PDE4D: variants seen among roughly 807,000 people sequenced by gnomAD.
The protein encoded by PDE4D is 3',5'-cyclic-AMP phosphodiesterase 4D.
In PDE4D, 24 loss-of-function variants were observed where a neutral mutation model predicts 87.4. The observed-to-expected ratio is 0.27, with a 90% CI of 0.20 to 0.39. PDE4D has a LOEUF of 0.39. Among genes scored for constraint, PDE4D ranks in the 10% least tolerant of loss-of-function variants. The probability of loss-of-function intolerance (pLI) is 1.00; values close to 1 mark genes in which losing one functional copy is unlikely to be tolerated. For synonymous variants in PDE4D, 384 were observed against 383.2 expected, an observed-to-expected ratio of 1.00 and a Z score of -0.02; for missense variants, 714 against 1,041.0, an observed-to-expected ratio of 0.69 and a Z score of 4.32.
chr5:59,262,444 T>TC (rs1762173737), intron 1 of PDE4D, among the ~76,000 whole-genome samples: 1 of 151,952 alleles, frequency 6.6e-6, no homozygotes, highest in South Asian at 2.1e-4. Context: ...TTTCCTTCTT[T>TC]TTTTTTAAGC....
chr5:60,373,963 G>A (rs1761235247), intron 1 of PDE4D, among the ~76,000 whole-genome samples: 1 of 152,056 alleles, frequency 6.6e-6, no homozygotes, highest in African/African-American at 2.4e-5. Flanking sequence ...ATAATCCAGG[G>A]TAATCTCCCC....
chr5:59,996,377 C>T (rs1433757940), intron 2 of PDE4D, among the ~76,000 whole-genome samples: 1 of 152,086 alleles, frequency 6.6e-6, no homozygotes, highest in African/African-American at 2.4e-5. Context: ...TTTCCCTGTA[C>T]CTAATTTTGT....
intron 3 of PDE4D, among the ~76,000 whole-genome samples, chr5:59,910,253 G>C (rs545126780): frequency 6.6e-6 from 1 of 151,978 alleles, no homozygotes; most frequent in Non-Finnish European, 1.5e-5. Context: ...AACATTTTTT[G>C]TATTCAACTA....
chr5:60,316,949 T>C (rs1257381355), intron 1 of PDE4D, among the ~76,000 whole-genome samples: 1 of 152,122 alleles, frequency 6.6e-6, no homozygotes, highest in East Asian at 1.9e-4. Context: ...TAAAATTCTC[T>C]TTTTTTGTTG....
At chr5:60,497,806 C>A (rs535186894) in intron 1 of PDE4D, among the ~76,000 whole-genome samples, 15 of 152,294 alleles carry the variant, frequency 9.8e-5, no homozygotes, top group Admixed American at 3.3e-4. Flanking sequence ...CCCACCCCTA[C>A]CTGTTTTCTC....
At chr5:60,296,000 C>T (rs764131112) in intron 1 of PDE4D, among the ~76,000 whole-genome samples, 1 of 152,152 alleles carries the variant, frequency 6.6e-6, no homozygotes, top group Non-Finnish European at 1.5e-5. Context: ...ATAGATGGCA[C>T]CTTCTCACGG....
intron 2 of PDE4D, among the ~76,000 whole-genome samples, chr5:60,092,612 A>G (rs1304960861): frequency 6.6e-6 from 1 of 151,826 alleles, no homozygotes; most frequent in Non-Finnish European, 1.5e-5. Context: ...ACTAGGAATA[A>G]AGTTAGGACT....
At chr5:60,041,227 G>A (rs909163636) in intron 2 of PDE4D, among the ~76,000 whole-genome samples, 16 of 151,996 alleles carry the variant, frequency 1.1e-4, no homozygotes, top group African/African-American at 3.4e-4. Flanking sequence ...CGATAGTCAC[G>A]GCTTGGCTGA....
At chr5:59,981,786 C>A (rs931367263) in intron 3 of PDE4D, among the ~76,000 whole-genome samples, 3 of 152,106 alleles carry the variant, frequency 2.0e-5, no homozygotes, top group African/African-American at 7.2e-5. Flanking sequence ...CCCATTAATA[C>A]CTTCTTAAGT....
upstream of PDE4D, chr5:60,491,006 T>C (rs191733456): frequency 2.0e-5 from 3 of 152,304 alleles, no homozygotes; most frequent in Admixed American, 2.0e-4. Flanking sequence ...TGGCAGGGTA[T>C]TAACTCCATT....
intron 1 of PDE4D, among the ~76,000 whole-genome samples, chr5:60,214,061 G>A (rs1332864970): frequency 1.3e-5 from 2 of 152,062 alleles, no homozygotes; most frequent in Non-Finnish European, 2.9e-5. Flanking sequence ...CTCAATTTAC[G>A]AACCATTGCA....
At chr5:59,016,451 C>T (rs577357032) in intron 6 of PDE4D, among the ~76,000 whole-genome samples, 8 of 131,902 alleles carry the variant, frequency 6.1e-5, no homozygotes, top group Non-Finnish European at 1.2e-4. Flanking sequence ...CGGTCAGTAT[C>T]GTGCCCCTTA....
At chr5:59,971,211 G>A (rs1488450483) in intron 3 of PDE4D, among the ~76,000 whole-genome samples, 1 of 107,074 alleles carries the variant, frequency 9.3e-6, no homozygotes, top group Non-Finnish European at 1.8e-5. Context: ...CTGTTGTGGG[G>A]TGGGGGGAGG....
At chr5:60,268,061 T>C (rs1436969281) in intron 1 of PDE4D, among the ~76,000 whole-genome samples, 4 of 152,122 alleles carry the variant, frequency 2.6e-5, no homozygotes, top group Admixed American at 2.6e-4. Flanking sequence ...ATGCAGGCTG[T>C]GCAGGCACCA....
chr5:59,632,782 C>G (rs1335100884), intron 1 of PDE4D, among the ~76,000 whole-genome samples: 1 of 152,146 alleles, frequency 6.6e-6, no homozygotes, highest in African/African-American at 2.4e-5. Context: ...TGAGGAAAAA[C>G]CAGTGCAAAA....
At chr5:60,387,131 T>C (rs943040889) in intron 1 of PDE4D, among the ~76,000 whole-genome samples, 2 of 152,182 alleles carry the variant, frequency 1.3e-5, no homozygotes, top group African/African-American at 4.8e-5. Context: ...ATGATAAAAA[T>C]CTACCAATGC....
intron 1 of PDE4D, among the ~76,000 whole-genome samples, chr5:59,861,093 A>G (rs1581468165): frequency 6.7e-6 from 1 of 148,498 alleles, no homozygotes; most frequent in African/African-American, 2.5e-5. Context: ...CTGGTTTCGA[A>G]CTCCTGACCT....
At chr5:59,320,980 T>C (rs1774625108) in intron 1 of PDE4D, among the ~76,000 whole-genome samples, 1 of 152,160 alleles carries the variant, frequency 6.6e-6, no homozygotes, top group South Asian at 2.1e-4. Context: ...TTTTAAAGTA[T>C]TCAATTTCTA....
intron 1 of PDE4D, among the ~76,000 whole-genome samples, chr5:59,496,572 G>A (rs1251261776): frequency 1.3e-5 from 2 of 152,268 alleles, no homozygotes; most frequent in African/African-American, 2.4e-5. Flanking sequence ...AAGTGGTAAG[G>A]GAAGGGACCC....
Sources: allele counts gnomAD v4.1 joint callset (sites outside exome capture counted in the v4.1 genomes callset), GRCh38; gene constraint gnomAD v4.1.1; transcripts MANE v1.5; gene names NCBI Gene and HGNC (gene_info 2026-07-23, HGNC 2026-07-21).